PEX26: variants seen among roughly 807,000 people sequenced by gnomAD.
PEX26 encodes the protein peroxisome assembly protein 26.
Under a neutral mutation model 31.4 loss-of-function variants are expected in PEX26, and 18 were observed. The ratio of observed to expected loss-of-function variants is 0.57; its 90% confidence interval spans 0.40 to 0.85. The LOEUF (loss-of-function observed/expected upper bound fraction) is 0.85. Ranked by LOEUF, PEX26 falls within the 40% of genes least tolerant of loss-of-function variation. The pLI, the probability that PEX26 is intolerant of heterozygous loss-of-function variation, is 0.00. For missense variants in PEX26, 377 were observed against 383.9 expected (o/e 0.98, Z 0.15); for synonymous variants, 176 against 166.9 (o/e 1.05, Z -0.42).
Position 18,093,001 on chromosome 22 carries a change from CT to C in PEX26, c.*4928del, listed in dbSNP as rs1259007480. 6.6e-6 allele frequency: 1 copy of C among 152,106 alleles called. No individual in the cohort carries two copies. The highest frequency in any genetic ancestry group is 1.5e-5 in the Non-Finnish European group (1 of 68,010). 9.4% of individuals were successfully genotyped at this position (152,106 alleles called of 1,614,324 possible). A position where few individuals can be genotyped will look rare whatever the true frequency, so the allele number is the denominator to read the frequency against. On this transcript the variant is annotated 3_prime_UTR_variant, in exon 5 of 5. Coordinates refer to ENST00000399744, the MANE Select transcript of PEX26 (RefSeq NM_001127649.3). The stretch of plus-strand genomic sequence containing the variant: ...TGCTCAACAATAAAGGGTTCTTTTT[CT>C]TACTTTTTTAATACAAAATACAAGC...
intron 2 of PEX26, among the ~76,000 whole-genome samples, chr22:18,080,856 G>T (rs1169109054): frequency 2.0e-5 from 3 of 152,020 alleles, no homozygotes; most frequent in African/African-American, 7.2e-5. Flanking sequence ...ACCCTACCGT[G>T]CAATAGAACA....
At chr22:18,086,027 G>T (rs1005402266) in intron 4 of PEX26, among the ~76,000 whole-genome samples, 1 of 152,138 alleles carries the variant, frequency 6.6e-6, no homozygotes, top group Non-Finnish European at 1.5e-5. Flanking sequence ...GCCGGACATG[G>T]TGGCTCACAC....
In PEX26 at chr22:18,093,740, G is replaced by A. The variant is rs542142453; in HGVS notation, c.*5665G>A. 8.5e-5 allele frequency: 13 copies of A among 152,256 alleles called. No individual in the cohort carries two copies. Among genetic ancestry groups the A allele is most frequent in the African/African-American group, 3.1e-4 (13 of 41,540 alleles). 9.4% of individuals were successfully genotyped at this position (152,256 alleles called of 1,614,324 possible). On this transcript the variant is annotated 3_prime_UTR_variant, in exon 5 of 5. Coordinates refer to ENST00000399744, the MANE Select transcript of PEX26 (RefSeq NM_001127649.3). ...AGTATGAAGAAAAGAGATGCCCCGG[G>A]TACGACCCCATTTCTATTAAAAATA...
chr22:18,100,668 T>G lies in PEX26; in HGVS notation c.*12593T>G, dbSNP rs1023445250. 39 of 152,344 alleles carry G rather than the reference T, an allele frequency of 2.6e-4. No individual in the cohort carries two copies. The highest frequency in any genetic ancestry group is 9.4e-4 in the African/African-American group (39 of 41,568). The allele number at this position is 152,344 out of a possible 1,614,324, so 9.4% of individuals were successfully genotyped here. On this transcript the variant is annotated 3_prime_UTR_variant, in exon 5 of 5. Transcript: ENST00000399744. Reference sequence around the variant, plus strand: ...TTCTAGAGATGTGACATACATATTTTCTGGTCAGTAATATTCTACCAATGG... The same window carrying G: ...TTCTAGAGATGTGACATACATATTTGCTGGTCAGTAATATTCTACCAATGG...
rs1158662311 is a variant in PEX26, at chr22:18,099,774, G to A, written c.*11699G>A. ...TTCTTCCAGCTTCTGCTGGCTCTAA[G>A]TGTTCCCTGGCCTGCGACAGCATCA... On this transcript the variant is annotated 3_prime_UTR_variant, in exon 5 of 5. Transcript: ENST00000399744. 6.6e-6 allele frequency: 1 copy of A among 152,188 alleles called. No individual in the cohort carries two copies. The highest frequency in any genetic ancestry group is 2.4e-5 in the African/African-American group (1 of 41,448). The allele number at this position is 152,188 out of a possible 1,614,324, so 9.4% of individuals were successfully genotyped here.
chr22:18,087,897 C>G lies in PEX26; in HGVS notation c.815-75C>G. ...AACTATGTGTAATTGGTAGTGGAGT[C>G]TCCCAGGGTGGGAGATGGCAGAGTG... On this transcript the variant is annotated intron_variant, in intron 4 of 4. Coordinates refer to ENST00000399744, the MANE Select transcript of PEX26 (RefSeq NM_001127649.3). 9.4e-6 allele frequency: 9 copies of G among 955,668 alleles called. No homozygotes were observed. The South Asian group carries it at 1.2e-4, about 12-fold the overall frequency. The allele number at this position is 955,668 out of a possible 1,614,324, so 59.2% of individuals were successfully genotyped here.
chr22:18,078,667 C>G, intron 1 of PEX26, 61 bp downstream of exon 1: 1 of 1,424,520 alleles, frequency 7.0e-7, no homozygotes. Flanking sequence ...GGCTCAAGGT[C>G]TCAGGAGTTC....
intron 2 of PEX26, chr22:18,081,333 T>A (rs1926597219): frequency 6.2e-6 from 1 of 161,220 alleles, no homozygotes; most frequent in African/African-American, 2.4e-5. Flanking sequence ...TCTTGGCTGT[T>A]GTGAATAGTG....
In PEX26 at chr22:18,078,102, C is replaced by A; in HGVS notation, c.-275C>A. On this transcript the variant is annotated 5_prime_UTR_variant, in exon 1 of 5. The change creates a premature stop within an existing upstream ORF in the 5' untranslated region. Coordinates refer to ENST00000399744, the MANE Select transcript of PEX26 (RefSeq NM_001127649.3). The stretch of plus-strand genomic sequence containing the variant: ...GAGCTGAGGCAGTTCCTGCACGTGT[C>A]GCGGGGCCGGAGAAGCTAGGGCCAG... 1 of 614,982 alleles carries A rather than the reference C, an allele frequency of 1.6e-6. No homozygotes were observed. Among genetic ancestry groups the A allele is most frequent in the South Asian group, 1.5e-5 (1 of 65,966 alleles). The allele number at this position is 614,982 out of a possible 1,614,324, so 38.1% of individuals were successfully genotyped here.
In PEX26 at chr22:18,078,616, G is replaced by A. The variant is rs918352794; in HGVS notation, c.230+10G>A. ...AGGAACCCGCGGGCACGTACGTGCT[G>A]GGCTCGGAAATGAACCGATTTCCGG... On this transcript the variant is annotated intron_variant, in intron 1 of 4. Coordinates refer to ENST00000399744, the MANE Select transcript of PEX26 (RefSeq NM_001127649.3). The A allele has an allele frequency of 8.1e-6, 13 of 1,595,640 alleles. No individual in the cohort carries two copies. The highest frequency in any genetic ancestry group is 1.1e-5 in the Non-Finnish European group (13 of 1,173,988).
intron 2 of PEX26, among the ~76,000 whole-genome samples, chr22:18,080,809 A>G (rs1176783759): frequency 2.0e-5 from 3 of 152,050 alleles, no homozygotes; most frequent in Non-Finnish European, 4.4e-5. Flanking sequence ...TCTTCCGGCT[A>G]TTTTATATAT....
chr22:18,080,041 A>C (rs1464456558), intron 2 of PEX26, 27 bp downstream of exon 2: 1 of 1,613,582 alleles, frequency 6.2e-7, no homozygotes, highest in African/African-American at 1.3e-5. Context: ...GACTCATCAG[A>C]TCGGTTCAGA....
chr22:18,096,710 G>T lies in PEX26; in HGVS notation c.*8635G>T, dbSNP rs1362561404. 6.6e-6 allele frequency: 1 copy of T among 152,066 alleles called. No homozygotes were observed. Among genetic ancestry groups the T allele is most frequent in the Non-Finnish European group, 1.5e-5 (1 of 68,056 alleles). The allele number at this position is 152,066 out of a possible 1,614,324, so 9.4% of individuals were successfully genotyped here. A position where few individuals can be genotyped will look rare whatever the true frequency, so the allele number is the denominator to read the frequency against. On this transcript the variant is annotated 3_prime_UTR_variant, in exon 5 of 5. Coordinates refer to ENST00000399744, the MANE Select transcript of PEX26 (RefSeq NM_001127649.3). ...TGGGATTACAGGCGTGAGCCACCAC[G>T]CCCGGCCGGCTCTGATTTCTTAAAG...
Position 18,078,152 on chromosome 22 carries a change from G to A in PEX26, c.-225G>A, listed in dbSNP as rs1456256524. ...GGTATTCCAGGGATGCAAGAATCCT[G>A]CAAATCTGACGTGTAAACTGCTTCC... On this transcript the variant is annotated 5_prime_UTR_variant, in exon 1 of 5. Coordinates refer to ENST00000399744, the MANE Select transcript of PEX26 (RefSeq NM_001127649.3). The A allele has an allele frequency of 5.8e-6, 4 of 688,816 alleles. No individual in the cohort carries two copies. The highest frequency in any genetic ancestry group is 1.5e-5 in the South Asian group (1 of 66,650). 42.7% of individuals were successfully genotyped at this position (688,816 alleles called of 1,614,324 possible).
rs1034722516 is a variant in PEX26 at position 18,092,013 on chromosome 22, A to T, written c.*3938A>T. ...ACTTAAAGCAGCCCAAGGAACTGTC[A>T]GAAAGCGAAAGTGATGACATGAACC... is the stretch of plus-strand genomic sequence containing the variant. On this transcript the variant is annotated 3_prime_UTR_variant, in exon 5 of 5. Transcript: ENST00000399744. 3 of 152,300 alleles carry T rather than the reference A, an allele frequency of 2.0e-5. No individual in the cohort carries two copies. Among genetic ancestry groups the T allele is most frequent in the Non-Finnish European group, 4.4e-5 (3 of 68,092 alleles). 9.4% of individuals were successfully genotyped at this position (152,300 alleles called of 1,614,324 possible).
At position 18,088,105 on chromosome 22, in the gene PEX26, C is replaced by T. The variant is rs1444245207; in HGVS notation, c.*30C>T. On this transcript the variant is annotated 3_prime_UTR_variant, in exon 5 of 5. Coordinates refer to ENST00000399744, the MANE Select transcript of PEX26 (RefSeq NM_001127649.3). The surrounding 1 kb of genome is among the most constrained non-coding windows in gnomAD (Gnocchi z 4.1). ...CCCTGCGCACCACAGCCTCTCTGCT[C>T]CTCACGTCCGTGGCCACAGAAGCAG... The T allele has an allele frequency of 2.1e-6, 3 of 1,423,198 alleles. No homozygotes were observed. The South Asian group carries it at 3.4e-5, about 16-fold the overall frequency. The allele number at this position is 1,423,198 out of a possible 1,614,324, so 88.2% of individuals were successfully genotyped here.
rs971310282 is a variant in PEX26 at position 18,095,582 on chromosome 22, TCTGTC to T, written c.*7512_*7516del. On this transcript the variant is annotated 3_prime_UTR_variant, in exon 5 of 5. Transcript: ENST00000399744. Reference sequence around the variant, plus strand: ...CTCCCCTTTTAGTACTTGTTTGTGTTCTGTCCTGTTCCTGGATTTCATGGTCTCCA... The same window carrying T: ...CTCCCCTTTTAGTACTTGTTTGTGTTCTGTTCCTGGATTTCATGGTCTCCA... 3 of 152,240 alleles carry T rather than the reference TCTGTC, an allele frequency of 2.0e-5. No individual in the cohort carries two copies. Among genetic ancestry groups the T allele is most frequent in the African/African-American group, 7.2e-5 (3 of 41,454 alleles). 9.4% of individuals were successfully genotyped at this position (152,240 alleles called of 1,614,324 possible). A position where few individuals can be genotyped will look rare whatever the true frequency, so the allele number is the denominator to read the frequency against.
intron 2 of PEX26, among the ~76,000 whole-genome samples, chr22:18,080,635 A>G (rs1013221168): frequency 6.6e-6 from 1 of 152,200 alleles, no homozygotes; most frequent in Non-Finnish European, 1.5e-5. Flanking sequence ...TGGCCAAAAA[A>G]TAACAAAGTT....
At chr22:18,078,973 G>C (rs922204496) in intron 1 of PEX26, 7 of 394,180 alleles carry the variant, frequency 1.8e-5, no homozygotes, top group Non-Finnish European at 3.4e-5. Context: ...TCCTGACCTT[G>C]GCTGATGATG....
Sources: allele counts gnomAD v4.1 joint callset (sites outside exome capture counted in the v4.1 genomes callset), GRCh38; gene constraint gnomAD v4.1.1; non-coding constraint Gnocchi (gnomAD v3.1); transcripts MANE v1.5; gene names NCBI Gene and HGNC (gene_info 2026-07-23, HGNC 2026-07-21).